AFF2: variants seen among roughly 807,000 people sequenced by gnomAD.
AFF2 encodes the protein ALF transcription elongation factor 2.
In AFF2, 14 loss-of-function variants were observed where a neutral mutation model predicts 76.9. That is an observed-to-expected ratio of 0.18 (90% CI 0.12 to 0.28). The LOEUF is 0.28. AFF2 is among the 10% of genes least tolerant of loss of function. The pLI is 1.00. For missense variants in AFF2, 868 were observed against 1,001.1 expected (o/e 0.87, Z 1.79); for synonymous variants, 398 against 366.7 (o/e 1.09, Z -0.98).
At chrX:148,838,337 T>C (rs782404235) in intron 5 of AFF2, among the ~76,000 whole-genome samples, 38 of 112,486 alleles carry the variant, frequency 3.4e-4, no homozygotes, top group Non-Finnish European at 5.2e-4. Context: ...TCCATTCCTT[T>C]CTTCCTTCCA....
chrX:148,714,467 G>A (rs2055004628), intron 3 of AFF2, among the ~76,000 whole-genome samples: 1 of 111,447 alleles, frequency 9.0e-6, no homozygotes, highest in Admixed American at 9.6e-5. Flanking sequence ...ACTCAAGGCT[G>A]ACCTGCAGTA....
At chrX:148,836,668 T>C (rs1056409038) in intron 4 of AFF2, among the ~76,000 whole-genome samples, 2 of 111,490 alleles carry the variant, frequency 1.8e-5, no homozygotes, top group African/African-American at 3.3e-5. Context: ...TTCACAAAAC[T>C]TATCATCTTT....
chrX:148,512,481 A>G (rs2052492475), intron 1 of AFF2, among the ~76,000 whole-genome samples: 1 of 112,504 alleles, frequency 8.9e-6, no homozygotes, highest in Non-Finnish European at 1.9e-5. Context: ...TATACCTTGA[A>G]CAAAAAATAG....
At chrX:148,964,914 G>A (rs963363630) in intron 13 of AFF2, among the ~76,000 whole-genome samples, 5 of 112,789 alleles carry the variant, frequency 4.4e-5, no homozygotes, top group Non-Finnish European at 9.4e-5. Context: ...AACTTCACAT[G>A]TATCATCAAA....
At chrX:148,650,505 A>G (rs200804056) in intron 1 of AFF2, among the ~76,000 whole-genome samples, 1 of 112,045 alleles carries the variant, frequency 8.9e-6, no homozygotes, top group East Asian at 2.8e-4. Context: ...ATACTCATGA[A>G]TGGTCCAGTG....
At chrX:148,968,753 A>G (rs1268251749) in intron 15 of AFF2, among the ~76,000 whole-genome samples, 1 of 112,085 alleles carries the variant, frequency 8.9e-6, no homozygotes, top group African/African-American at 3.2e-5. Context: ...TCTGTGGTGT[A>G]AATTGTTCCT....
intron 4 of AFF2, among the ~76,000 whole-genome samples, chrX:148,813,261 C>G (rs896363508): frequency 2.7e-5 from 3 of 111,561 alleles, no homozygotes; most frequent in Non-Finnish European, 5.7e-5. Context: ...TTGCACTACA[C>G]CCAACTCTCA....
At chrX:148,752,613 T>A (rs186587465) in intron 3 of AFF2, among the ~76,000 whole-genome samples, 29 of 112,017 alleles carry the variant, frequency 2.6e-4, no homozygotes, top group African/African-American at 8.7e-4. Flanking sequence ...TGTGTGAAAA[T>A]TTAAGTAGTG....
chrX:148,882,207 A>G (rs147324587), intron 7 of AFF2, among the ~76,000 whole-genome samples: 1 of 111,722 alleles, frequency 9.0e-6, no homozygotes, highest in Non-Finnish European at 1.9e-5. Context: ...AGAATGTTTC[A>G]GTGCAAAGAG....
At chrX:148,983,951 G>GAAAAAAAAAAAAAAAAAAA (rs1569558020) in intron 19 of AFF2, among the ~76,000 whole-genome samples, 1 of 2,853 alleles carries the variant, frequency 3.5e-4, no homozygotes, top group African/African-American at 3.9e-4. Context: ...GAGTGAAATA[G>GAAAAAAAAAAAAAAAAAAA]ACAAAAAAAA....
At chrX:148,937,993 C>T (rs990704842) in intron 9 of AFF2, among the ~76,000 whole-genome samples, 2 of 112,003 alleles carry the variant, frequency 1.8e-5, no homozygotes, top group Admixed American at 9.5e-5. Flanking sequence ...GCAAATACAC[C>T]GTCTTTTTAT....
intron 1 of AFF2, among the ~76,000 whole-genome samples, chrX:148,579,040 A>G (rs1345540876): frequency 8.9e-6 from 1 of 111,932 alleles, no homozygotes; most frequent in East Asian, 2.8e-4. Context: ...CACGTTAGCC[A>G]TGCCTGTTAG....
At chrX:148,737,549 A>G (rs903381069) in intron 3 of AFF2, among the ~76,000 whole-genome samples, 2 of 111,515 alleles carry the variant, frequency 1.8e-5, no homozygotes, top group South Asian at 3.7e-4. Context: ...GTAAATGATC[A>G]TATCATCAGC....
intron 3 of AFF2, among the ~76,000 whole-genome samples, chrX:148,710,515 T>G (rs1290475204): frequency 8.9e-6 from 1 of 112,263 alleles, no homozygotes; most frequent in Non-Finnish European, 1.9e-5. Context: ...GACATCAAAT[T>G]TACCATTTTA....
intron 1 of AFF2, among the ~76,000 whole-genome samples, chrX:148,578,200 A>G (rs1557243800): frequency 9.0e-6 from 1 of 111,345 alleles, no homozygotes; most frequent in Non-Finnish European, 1.9e-5. Context: ...TATGAAGTTT[A>G]CCTGTTTGCA....
intron 3 of AFF2, among the ~76,000 whole-genome samples, chrX:148,717,327 T>C (rs1222023498): frequency 1.8e-5 from 2 of 112,108 alleles, no homozygotes; most frequent in African/African-American, 6.5e-5. Context: ...GTCACATATA[T>C]TATTTCATTA....
intron 3 of AFF2, among the ~76,000 whole-genome samples, chrX:148,770,190 A>C: frequency 8.9e-6 from 1 of 111,747 alleles, no homozygotes; most frequent in Admixed American, 9.5e-5. Flanking sequence ...TGCGTGTGGC[A>C]TGATATTCAC....
intron 3 of AFF2, chrX:148,719,192 A>G: frequency 8.7e-7 from 1 of 1,150,140 alleles, no homozygotes; most frequent in Non-Finnish European, 1.2e-6. Context: ...TGAAGTTCAA[A>G]AGGAGGCACC....
chrX:148,898,756 GT>G (rs1173387709), intron 8 of AFF2, among the ~76,000 whole-genome samples: 1 of 111,569 alleles, frequency 9.0e-6, no homozygotes, highest in African/African-American at 3.3e-5. Context: ...AGGCCTATGA[GT>G]TTGCCTAGTC....
Sources: allele counts gnomAD v4.1 joint callset (sites outside exome capture counted in the v4.1 genomes callset), GRCh38; gene constraint gnomAD v4.1.1; transcripts MANE v1.5; gene names NCBI Gene and HGNC (gene_info 2026-07-23, HGNC 2026-07-21).